Variants in MCHR2 observed in about 807,000 individuals in gnomAD.
MCHR2 encodes the protein melanin concentrating hormone receptor 2.
A neutral mutation model predicts 24.8 loss-of-function variants in MCHR2; 15 were observed. The observed-to-expected ratio is 0.60, with a 90% CI of 0.40 to 0.93. The LOEUF is 0.93. Ranked by LOEUF, MCHR2 falls within the 40% of genes least tolerant of loss-of-function variation. The probability of loss-of-function intolerance (pLI) is 0.00; values close to 1 mark genes in which losing one functional copy is unlikely to be tolerated. For missense variants in MCHR2, 386 were observed against 408.7 expected, an observed-to-expected ratio of 0.94 and a Z score of 0.48; for synonymous variants, 151 against 147.6, an observed-to-expected ratio of 1.02 and a Z score of -0.17.
At chr6:99,977,613 AT>A (rs1278095149) in intron 1 of MCHR2, among the ~76,000 whole-genome samples, 4 of 151,832 alleles carry the variant, frequency 2.6e-5, no homozygotes, top group Admixed American at 1.3e-4. Context: ...GGGTACATTT[AT>A]TTTTTTTCCC....
chr6:99,965,553 A>G (rs1775281441), intron 1 of MCHR2, among the ~76,000 whole-genome samples: 1 of 152,138 alleles, frequency 6.6e-6, no homozygotes, highest in Non-Finnish European at 1.5e-5. Flanking sequence ...TTTAATTTTC[A>G]TTTCATTGTT....
intron 4 of MCHR2, among the ~76,000 whole-genome samples, chr6:99,937,567 T>A (rs952498041): frequency 2.6e-5 from 4 of 151,988 alleles, no homozygotes; most frequent in African/African-American, 4.8e-5. Context: ...TACTTGCTCA[T>A]GATATACGAT....
chr6:99,920,896 A>G lies in MCHR2; in HGVS notation c.*44T>C. 6.4e-7 allele frequency: 1 copy of G among 1,557,910 alleles called. No individual in the cohort carries two copies. Among genetic ancestry groups the G allele is most frequent in the Non-Finnish European group, 8.8e-7 (1 of 1,138,010 alleles). Reference sequence around the variant, plus strand: ...CCTGCCCTTTCTGATAATACCAGTAAGATAGACAATCATGTCTAGACTCAT... The same window carrying G: ...CCTGCCCTTTCTGATAATACCAGTAGGATAGACAATCATGTCTAGACTCAT... On this transcript the variant is annotated 3_prime_UTR_variant, in exon 6 of 6. Transcript: ENST00000281806.
intron 1 of MCHR2, among the ~76,000 whole-genome samples, chr6:99,981,120 T>C (rs1775661986): frequency 6.6e-6 from 1 of 152,234 alleles, no homozygotes; most frequent in South Asian, 2.1e-4. Flanking sequence ...GAGGTTTTTC[T>C]AGCTGTCAAT....
At chr6:99,972,775 T>C (rs1244904449) in intron 1 of MCHR2, among the ~76,000 whole-genome samples, 1 of 152,216 alleles carries the variant, frequency 6.6e-6, no homozygotes, top group Non-Finnish European at 1.5e-5. Context: ...TTGTTCTCGT[T>C]GGTTTCAAAG....
chr6:99,970,034 CTT>C (rs1775372122), intron 1 of MCHR2, among the ~76,000 whole-genome samples: 2 of 147,648 alleles, frequency 1.4e-5, no homozygotes, highest in Admixed American at 6.8e-5. Flanking sequence ...GTGCATGTGT[CTT>C]TATAGCAGCA....
chr6:99,987,112 ATTTT>A (rs1775784655), intron 1 of MCHR2, among the ~76,000 whole-genome samples: 2 of 151,034 alleles, frequency 1.3e-5, no homozygotes, highest in Non-Finnish European at 3.0e-5. Flanking sequence ...TTATTTATTT[ATTTT>A]TTGAGACAGA....
In MCHR2 at chr6:99,946,068, C is replaced by T. The variant is rs574582296; in HGVS notation, c.392+1694G>A. ...CCAATATTCTCCTGCATCCAAGGCA[C>T]AGTATATAAAGAAGCTCGTATTATC... is the stretch of plus-strand genomic sequence containing the variant. On this transcript the variant is annotated intron_variant, in intron 3 of 5. Transcript: ENST00000281806. 2.6e-5 allele frequency among the ~76,000 whole-genome samples: 4 copies of T among 151,340 alleles called. No individual in the cohort carries two copies. The South Asian group carries it at 8.3e-4, about 32-fold the overall frequency.
At chr6:99,937,309 T>C (rs773642975) in intron 4 of MCHR2, among the ~76,000 whole-genome samples, 4 of 151,932 alleles carry the variant, frequency 2.6e-5, no homozygotes, top group Admixed American at 6.6e-5. Context: ...AGGCCTTCAA[T>C]TTTTCCCCAT....
intron 1 of MCHR2, among the ~76,000 whole-genome samples, chr6:99,966,309 C>T (rs1175725556): frequency 6.6e-6 from 1 of 152,056 alleles, no homozygotes; most frequent in African/African-American, 2.4e-5. Context: ...TTTACTATCT[C>T]CTGTAAATGT....
chr6:99,970,713 T>C (rs1297918669), intron 1 of MCHR2, among the ~76,000 whole-genome samples: 3 of 152,244 alleles, frequency 2.0e-5, no homozygotes, highest in Admixed American at 1.3e-4. Context: ...TGTAAGTCTT[T>C]GATCCATCTT....
intron 4 of MCHR2, among the ~76,000 whole-genome samples, chr6:99,939,538 G>T (rs1167174612): frequency 1.3e-5 from 2 of 151,856 alleles, no homozygotes; most frequent in African/African-American, 4.8e-5. Flanking sequence ...CTCTTAACAG[G>T]TTGCTATAGC....
rs1774181415 is a variant in MCHR2, at chr6:99,919,453, G to A, written c.*1487C>T. Among the ~76,000 whole-genome samples the A allele has an allele frequency of 6.6e-6, 1 of 152,152 alleles. No homozygotes were observed. Among genetic ancestry groups the A allele is most frequent in the Non-Finnish European group, 1.5e-5 (1 of 68,016 alleles). ...TCTAGAAGGGGCTGGTTGAAAATTG[G>A]TTTCAGATGTTTACGGAGAAAACAA... On this transcript the variant is annotated 3_prime_UTR_variant, in exon 6 of 6. Transcript: ENST00000281806.
At chr6:99,957,253 C>T (rs566960087) in intron 1 of MCHR2, among the ~76,000 whole-genome samples, 1 of 152,126 alleles carries the variant, frequency 6.6e-6, no homozygotes, top group African/African-American at 2.4e-5. Flanking sequence ...GCCTCAGGGG[C>T]TTCATAATTA....
rs112466477 is a variant in MCHR2 at position 99,975,302 on chromosome 6, G to A, written c.-28+18634C>T. Among the ~76,000 whole-genome samples the A allele has an allele frequency of 1.0e-2, 1,515 of 152,236 alleles. 8 individuals carry two copies. Among genetic ancestry groups the A allele is most frequent in the African/African-American group, 0.012 (499 of 41,556 alleles). ...GTGCCCTTCCCCCAGTCTCGCTGCCGCCTTGCAGTTTGATCTCAGACTGCT... is the reference window on the plus strand; with the variant it reads ...GTGCCCTTCCCCCAGTCTCGCTGCCACCTTGCAGTTTGATCTCAGACTGCT... On this transcript the variant is annotated intron_variant, in intron 1 of 5. Transcript: ENST00000281806.
intron 1 of MCHR2, among the ~76,000 whole-genome samples, chr6:99,974,360 G>A (rs1193778704): frequency 6.6e-6 from 1 of 152,162 alleles, no homozygotes; most frequent in Admixed American, 6.5e-5. Flanking sequence ...ATTGGCTCCT[G>A]AGGCTTCTGC....
intron 1 of MCHR2, among the ~76,000 whole-genome samples, chr6:99,972,567 T>A (rs1274370117): frequency 1.3e-5 from 2 of 152,220 alleles, no homozygotes; most frequent in Admixed American, 6.5e-5. Context: ...TTCCTTCAGT[T>A]CTGCTCTGAT....
chr6:99,927,422 T>G (rs375688169), intron 5 of MCHR2, among the ~76,000 whole-genome samples: 1 of 152,206 alleles, frequency 6.6e-6, no homozygotes, highest in Admixed American at 6.5e-5. Flanking sequence ...TAAATTACCT[T>G]GGGCAGTTTG....
chr6:99,952,616 T>C (rs1342794522), intron 2 of MCHR2, among the ~76,000 whole-genome samples: 1 of 152,128 alleles, frequency 6.6e-6, no homozygotes, highest in Non-Finnish European at 1.5e-5. Context: ...AAATAAAAGA[T>C]CATGGCAAAG....
Sources: allele counts gnomAD v4.1 joint callset (sites outside exome capture counted in the v4.1 genomes callset), GRCh38; gene constraint gnomAD v4.1.1; transcripts MANE v1.5; gene names NCBI Gene and HGNC (gene_info 2026-07-23, HGNC 2026-07-21).